The following TMEM44 variants were observed in gnomAD, a reference collection of about 807,000 sequenced individuals.
TMEM44 encodes the protein transmembrane protein 44.
Under a neutral mutation model 47.8 loss-of-function variants are expected in TMEM44, and 43 were observed. That is an observed-to-expected ratio of 0.90 (90% confidence interval 0.70 to 1.16). TMEM44 has a LOEUF of 1.16. TMEM44 is among the 50% of genes most tolerant of loss of function. The pLI, the probability that TMEM44 is intolerant of heterozygous loss-of-function variation, is 0.00. For missense variants in TMEM44, 568 were observed against 555.2 expected, an observed-to-expected ratio of 1.02 and a Z score of -0.23; for synonymous variants, 277 against 238.8, an observed-to-expected ratio of 1.16 and a Z score of -1.48.
chr3:194,624,786 G>A (rs575505992), intron 3 of TMEM44, among the ~76,000 whole-genome samples: 5 of 151,302 alleles, frequency 3.3e-5, no homozygotes, highest in African/African-American at 9.7e-5. Flanking sequence ...GCAGTTGTGC[G>A]ATCTGCAACC....
chr3:194,623,795 C>CA, intron 3 of TMEM44, 100 bp from the exon 4 acceptor site: 1 of 1,504,410 alleles, frequency 6.6e-7, no homozygotes, highest in Non-Finnish European at 9.1e-7. Flanking sequence ...CCACATGATG[C>CA]TGAAGCGGGT....
intron 9 of TMEM44, among the ~76,000 whole-genome samples, chr3:194,598,020 G>A (rs56060353): frequency 0.056 from 8,461 of 152,230 alleles, 766 homozygotes; most frequent in African/African-American, 0.19. Flanking sequence ...TGAGGCTGAC[G>A]TTGTATTGAA....
intron 9 of TMEM44, among the ~76,000 whole-genome samples, chr3:194,590,526 G>C (rs940235538): frequency 6.6e-6 from 1 of 152,158 alleles, no homozygotes; most frequent in African/African-American, 2.4e-5. Flanking sequence ...TGACCCACCT[G>C]CCCAGTGAAA....
chr3:194,632,872 T>C, intron 1 of TMEM44: 1 of 890,084 alleles, frequency 1.1e-6, no homozygotes, highest in Non-Finnish European at 1.6e-6. Context: ...GCCTCCTCCC[T>C]TTGGCTCACA....
intron 1 of TMEM44, among the ~76,000 whole-genome samples, chr3:194,630,786 G>A (rs980351314): frequency 6.6e-6 from 1 of 151,012 alleles, no homozygotes; most frequent in African/African-American, 2.4e-5. Context: ...GAAATACGTT[G>A]TCGCACGTGC....
At chr3:194,590,220 A>G (rs1712475853) in intron 9 of TMEM44, 1 of 152,228 alleles carries the variant, frequency 6.6e-6, no homozygotes, top group Non-Finnish European at 1.5e-5. Context: ...CTTGTTTTGG[A>G]CAGAAATAAA....
Position 194,611,133 on chromosome 3 carries a change from CTTTTT to C in TMEM44, c.913-118_913-114del, listed in dbSNP as rs976003801. ...GACCCCCGTGGTATTTTCTCTCTCTCTTTTTTAACGGCACGTCTCACTTTCTGCTT... is the reference window on the plus strand; with the variant it reads ...GACCCCCGTGGTATTTTCTCTCTCTCTAACGGCACGTCTCACTTTCTGCTT... On this transcript the variant is annotated intron_variant, in intron 7 of 9. Transcript: ENST00000347147. This position sits in a 1 kb window ranked among gnomAD's most constrained non-coding sequence, Gnocchi z 4.2. 3.7e-6 allele frequency: 3 copies of C among 805,242 alleles called. No individual in the cohort carries two copies. Among genetic ancestry groups the C allele is most frequent in the African/African-American group, 3.4e-5 (2 of 58,564 alleles). 49.9% of individuals were successfully genotyped at this position (805,242 alleles called of 1,614,324 possible).
At chr3:194,633,014 G>A (rs376342147) in intron 1 of TMEM44, 65 bp downstream of exon 1, 22 of 1,517,446 alleles carry the variant, frequency 1.4e-5, no homozygotes, top group Non-Finnish European at 1.8e-5. Context: ...GTTTCCGAGA[G>A]GGAGCAGCAG....
Position 194,604,409 on chromosome 3 carries a change from G to GC in TMEM44, c.1053dup (p.Gln352AlafsTer32). The GC allele has an allele frequency of 6.5e-7, 1 of 1,532,474 alleles. No homozygotes were observed. Among genetic ancestry groups the GC allele is most frequent in the East Asian group, 2.5e-5 (1 of 40,446 alleles). 94.9% of individuals were successfully genotyped at this position (1,532,474 alleles called of 1,614,324 possible). A position where few individuals can be genotyped will look rare whatever the true frequency, so the allele number is the denominator to read the frequency against. Reference sequence around the variant, plus strand: ...AGGGACGCATCTCCGGCGCTCGTCTGCCCGTCACCTGGCAGCCTGGTGGCA... The same window carrying GC: ...AGGGACGCATCTCCGGCGCTCGTCTGCCCCGTCACCTGGCAGCCTGGTGGCA... On this transcript the variant is annotated frameshift_variant, in exon 9 of 10. Transcript: ENST00000347147. LOFTEE classifies it high-confidence loss of function.
In TMEM44 at chr3:194,633,173, C is replaced by A; in HGVS notation, c.43G>T (p.Asp15Tyr). ...CGGGCGAAGCAGCGGTCCAGGTAGT[C>A]CCAGTCCCAGAGCGCGGGCGCGGGG... ...PSPAPALWDW[D>Y]YLDRCFARHR... The change falls in exon 1 of 10, where the codon GAC (aspartate) becomes TAC (tyrosine). Residue 15 changes from aspartate to tyrosine, a missense_variant. Coordinates refer to ENST00000347147, the MANE Select transcript of TMEM44 (RefSeq NM_001011655.3). 2.6e-6 allele frequency: 4 copies of A among 1,541,482 alleles called. No individual in the cohort carries two copies. Among genetic ancestry groups the A allele is most frequent in the South Asian group, 1.2e-5 (1 of 83,776 alleles).
Position 194,604,568 on chromosome 3 carries a change from C to T in TMEM44, c.1018-123G>A, listed in dbSNP as rs1419208204. The T allele has an allele frequency of 4.0e-6, 5 of 1,246,304 alleles. No individual in the cohort carries two copies. The African/African-American group carries it at 6.1e-5, about 15-fold the overall frequency. 77.2% of individuals were successfully genotyped at this position (1,246,304 alleles called of 1,614,324 possible). On this transcript the variant is annotated intron_variant, in intron 8 of 9. Transcript: ENST00000347147. ...AAAAGGGTGTGCAGGGCAGCATCTA[C>T]CTGTGCTCTCCTGCCCTGGCCATCC...
chr3:194,609,286 G>A (rs1715073394), intron 8 of TMEM44, among the ~76,000 whole-genome samples: 1 of 152,158 alleles, frequency 6.6e-6, no homozygotes. Context: ...AGCAAGAACT[G>A]GTGTGCAGAG....
chr3:194,588,471 G>A lies in TMEM44; in HGVS notation c.*58C>T, dbSNP rs754057477. 307 of 1,494,912 alleles carry A rather than the reference G, an allele frequency of 2.1e-4. No homozygotes were observed. Among genetic ancestry groups the A allele is most frequent in the Non-Finnish European group, 2.6e-4 (283 of 1,075,672 alleles). 92.6% of individuals were successfully genotyped at this position (1,494,912 alleles called of 1,614,324 possible). A position where few individuals can be genotyped will look rare whatever the true frequency, so the allele number is the denominator to read the frequency against. On this transcript the variant is annotated 3_prime_UTR_variant, in exon 10 of 10. Coordinates refer to ENST00000347147, the MANE Select transcript of TMEM44 (RefSeq NM_001011655.3). ...GTCAGTGCAGATTGATTCCCGCTGC[G>A]TTACTGAACGAACTCCTGACCCTGG...
intron 9 of TMEM44, among the ~76,000 whole-genome samples, chr3:194,600,707 C>T (rs1397681804): frequency 2.6e-5 from 4 of 151,974 alleles, no homozygotes; most frequent in African/African-American, 4.8e-5. Flanking sequence ...GCCGAGACTG[C>T]GCCACGGCAC....
At chr3:194,615,931 T>C (rs1202668225) in intron 6 of TMEM44, among the ~76,000 whole-genome samples, 1 of 152,154 alleles carries the variant, frequency 6.6e-6, no homozygotes, top group Non-Finnish European at 1.5e-5. Context: ...AAGGACATGG[T>C]AAATATTTGC....
At chr3:194,624,459 C>A (rs1011033390) in intron 3 of TMEM44, among the ~76,000 whole-genome samples, 1 of 152,116 alleles carries the variant, frequency 6.6e-6, no homozygotes, top group Non-Finnish European at 1.5e-5. Flanking sequence ...CTCGCTGTCA[C>A]CCAGGCTGGA....
intron 5 of TMEM44, among the ~76,000 whole-genome samples, chr3:194,619,523 G>A (rs779927084): frequency 1.3e-5 from 2 of 152,190 alleles, no homozygotes; most frequent in East Asian, 1.9e-4. Flanking sequence ...TCAGCACAAC[G>A]CTTCACTCAT....
At chr3:194,622,278 C>T (rs1207342531) in intron 5 of TMEM44, among the ~76,000 whole-genome samples, 1 of 152,266 alleles carries the variant, frequency 6.6e-6, no homozygotes, top group East Asian at 1.9e-4. Context: ...CGCCTCCCCA[C>T]CACCCCACGG....
intron 5 of TMEM44, among the ~76,000 whole-genome samples, chr3:194,619,294 G>C (rs1384004169): frequency 1.3e-5 from 2 of 152,248 alleles, no homozygotes; most frequent in Non-Finnish European, 2.9e-5. Flanking sequence ...TATCTGCAGT[G>C]CCAGACAAAC....
Sources: allele counts gnomAD v4.1 joint callset (sites outside exome capture counted in the v4.1 genomes callset), GRCh38; gene constraint gnomAD v4.1.1; non-coding constraint Gnocchi (gnomAD v3.1); transcripts MANE v1.5; gene names NCBI Gene and HGNC (gene_info 2026-07-23, HGNC 2026-07-21).